DOCK4: variants seen among roughly 807,000 people sequenced by gnomAD.
The protein encoded by DOCK4 is dedicator of cytokinesis 4.
In DOCK4, 97 loss-of-function variants were observed where a neutral mutation model predicts 268.1. The observed-to-expected ratio is 0.36, with a 90% CI of 0.31 to 0.43. The LOEUF (loss-of-function observed/expected upper bound fraction) is 0.43. Among genes scored for constraint, DOCK4 ranks in the 20% least tolerant of loss-of-function variants. DOCK4 has a pLI of 1.00. For synonymous variants in DOCK4, 954 were observed against 887.2 expected (o/e 1.08, Z -1.34); for missense variants, 2,145 against 2,455.7 (o/e 0.87, Z 2.67).
chr7:112,059,134 CT>C (rs572050793), intron 1 of DOCK4, among the ~76,000 whole-genome samples: 1,850 of 98,886 alleles, frequency 0.019, 9 homozygotes, highest in African/African-American at 0.053. Flanking sequence ...GCAGCATTTC[CT>C]TTTTTTTTTT....
intron 1 of DOCK4, among the ~76,000 whole-genome samples, chr7:112,031,948 T>G (rs1803314841): frequency 6.6e-6 from 1 of 152,150 alleles, no homozygotes; most frequent in African/African-American, 2.4e-5. Flanking sequence ...AAAAAGCATG[T>G]CTACCAAAAA....
chr7:112,147,304 T>C (rs1434173230), intron 1 of DOCK4, among the ~76,000 whole-genome samples: 1 of 152,198 alleles, frequency 6.6e-6, no homozygotes, highest in Non-Finnish European at 1.5e-5. Context: ...AAATATGTTT[T>C]GGGCGTTTTC....
At chr7:111,806,171 A>G (rs1363809423) in intron 30 of DOCK4, among the ~76,000 whole-genome samples, 1 of 152,182 alleles carries the variant, frequency 6.6e-6, no homozygotes, top group Non-Finnish European at 1.5e-5. Context: ...AATTACCTGA[A>G]TAAATTCTCT....
intron 8 of DOCK4, among the ~76,000 whole-genome samples, chr7:111,951,647 C>CAAA (rs35968911): frequency 2.3e-5 from 2 of 85,812 alleles, no homozygotes; most frequent in Non-Finnish European, 5.2e-5. Flanking sequence ...CCATCGCTAC[C>CAAA]AAAAAAAAAA....
At chr7:111,982,576 G>T (rs900286040) in intron 7 of DOCK4, among the ~76,000 whole-genome samples, 7 of 152,084 alleles carry the variant, frequency 4.6e-5, no homozygotes, top group African/African-American at 1.7e-4. Flanking sequence ...CTATTTAGTA[G>T]ATGAATAAAC....
intron 12 of DOCK4, among the ~76,000 whole-genome samples, chr7:111,932,448 A>T (rs560332957): frequency 6.6e-6 from 1 of 152,176 alleles, no homozygotes; most frequent in Admixed American, 6.5e-5. Flanking sequence ...TTCTATTCAC[A>T]GTTAATAGGC....
intron 11 of DOCK4, among the ~76,000 whole-genome samples, chr7:111,939,610 C>T (rs897740465): frequency 5.9e-5 from 9 of 151,888 alleles, no homozygotes; most frequent in African/African-American, 1.5e-4. Context: ...TCAAGGTCAT[C>T]GCCGAGATAG....
chr7:111,939,332 G>A (rs1441791207), intron 11 of DOCK4, among the ~76,000 whole-genome samples: 2 of 151,754 alleles, frequency 1.3e-5, no homozygotes, highest in Admixed American at 6.5e-5. Flanking sequence ...TGGCTAACAC[G>A]GTGAAACCCC....
At chr7:112,025,322 AAGATTCCCTGGATG>A (rs1802685999) in intron 1 of DOCK4, among the ~76,000 whole-genome samples, 2 of 152,192 alleles carry the variant, frequency 1.3e-5, no homozygotes, top group Non-Finnish European at 2.9e-5. Flanking sequence ...CACAAGCTCC[AAGATTCCCTGGATG>A]AGGACAAGGA....
intron 1 of DOCK4, among the ~76,000 whole-genome samples, chr7:112,050,844 C>G (rs1244610163): frequency 6.6e-6 from 1 of 152,112 alleles, no homozygotes; most frequent in Admixed American, 6.6e-5. Flanking sequence ...CCAAGTATTA[C>G]TAAAATCCAA....
chr7:111,794,081 C>A (rs1799730805), intron 30 of DOCK4, among the ~76,000 whole-genome samples: 2 of 151,930 alleles, frequency 1.3e-5, no homozygotes, highest in Non-Finnish European at 2.9e-5. Context: ...GTAGTGGGGA[C>A]ACAGATGCTG....
intron 51 of DOCK4, among the ~76,000 whole-genome samples, chr7:111,734,716 C>T (rs936862587): frequency 3.3e-5 from 5 of 152,062 alleles, no homozygotes; most frequent in African/African-American, 7.2e-5. Context: ...GCTGAGTTAG[C>T]GGAGGTTGAT....
chr7:111,779,151 G>A (rs2133737502), intron 35 of DOCK4, among the ~76,000 whole-genome samples: 1 of 151,980 alleles, frequency 6.6e-6, no homozygotes, highest in East Asian at 1.9e-4. Flanking sequence ...AAAAGAATGG[G>A]AAAGAGGGTA....
At chr7:112,108,654 A>G (rs1563092338) in intron 1 of DOCK4, among the ~76,000 whole-genome samples, 1 of 152,206 alleles carries the variant, frequency 6.6e-6, no homozygotes, top group South Asian at 2.1e-4. Context: ...AAGAACATTG[A>G]CCAAACACAG....
chr7:111,905,683 A>ATGTGTGTG (rs145889951), intron 13 of DOCK4, among the ~76,000 whole-genome samples: 14,639 of 147,632 alleles, frequency 0.099, 753 homozygotes, highest in Non-Finnish European at 0.11. Flanking sequence ...ATATGCATGT[A>ATGTGTGTG]TGTGTGTGTG....
intron 2 of DOCK4, 111 bp downstream of exon 2, chr7:112,003,937 T>C: frequency 2.9e-6 from 2 of 698,778 alleles, no homozygotes; most frequent in Non-Finnish European, 2.2e-6. Context: ...TTGTCAAAAA[T>C]GACTTGTGGT....
chr7:112,184,790 C>G (rs1040707666), intron 1 of DOCK4, among the ~76,000 whole-genome samples: 7 of 152,054 alleles, frequency 4.6e-5, no homozygotes, highest in East Asian at 1.9e-4. Context: ...CCTACAATCC[C>G]CCCCCCTTAG....
intron 1 of DOCK4, among the ~76,000 whole-genome samples, chr7:112,204,898 CACACACACACAA>C (rs904279330): frequency 7.9e-5 from 12 of 152,046 alleles, no homozygotes; most frequent in African/African-American, 2.7e-4. Flanking sequence ...CACACACACA[CACACACACACAA>C]AGTACACCAG....
chr7:112,157,805 G>A (rs527313807), intron 1 of DOCK4, among the ~76,000 whole-genome samples: 2 of 152,224 alleles, frequency 1.3e-5, no homozygotes, highest in African/African-American at 4.8e-5. Flanking sequence ...GCAGACAAGG[G>A]CCAGGCCATG....
Sources: allele counts gnomAD v4.1 joint callset (sites outside exome capture counted in the v4.1 genomes callset), GRCh38; gene constraint gnomAD v4.1.1; transcripts MANE v1.5; gene names NCBI Gene and HGNC (gene_info 2026-07-23, HGNC 2026-07-21).